ANKFN1: variants seen among roughly 807,000 people sequenced by gnomAD.
ANKFN1 encodes ankyrin repeat and fibronectin type III domain containing 1, also known as ankyrin repeat and fibronectin type-III domain-containing protein 1.
In ANKFN1, 74 loss-of-function variants were observed where a neutral mutation model predicts 108.7. The ratio of observed to expected loss-of-function variants is 0.68; its 90% CI spans 0.56 to 0.83. The LOEUF (loss-of-function observed/expected upper bound fraction) is 0.83, where lower values mean the gene tolerates loss of function less well. ANKFN1 is among the 40% of genes least tolerant of loss of function. The probability of loss-of-function intolerance (pLI) is 0.00; values close to 1 mark genes in which losing one functional copy is unlikely to be tolerated. For missense variants in ANKFN1, 1,505 were observed against 1,382.3 expected (o/e 1.09, Z -1.41); for synonymous variants, 547 against 516.2 (o/e 1.06, Z -0.81).
chr17:56,129,903 C>T (rs912836052), intron 4 of ANKFN1, among the ~76,000 whole-genome samples: 8 of 152,174 alleles, frequency 5.3e-5, no homozygotes, highest in African/African-American at 1.9e-4. Flanking sequence ...AAAACAGAGC[C>T]TCCCTGTTTC....
At chr17:56,482,603 T>G (rs1470971436) in intron 18 of ANKFN1, 79 bp downstream of exon 18, 3 of 1,503,262 alleles carry the variant, frequency 2.0e-6, no homozygotes, top group African/African-American at 1.4e-5. Context: ...TGTTCCCCCT[T>G]GTCCCAGTGG....
At chr17:56,154,255 G>T (rs955821761) in intron 1 of ANKFN1, among the ~76,000 whole-genome samples, 9 of 152,118 alleles carry the variant, frequency 5.9e-5, no homozygotes, top group Middle Eastern at 3.2e-3. Flanking sequence ...AATTCAGAAG[G>T]TTATTATTGA....
At chr17:56,051,864 G>C (rs1276617083) in intron 4 of ANKFN1, among the ~76,000 whole-genome samples, 1 of 150,868 alleles carries the variant, frequency 6.6e-6, no homozygotes, top group African/African-American at 2.4e-5. Context: ...ACTTACAAGG[G>C]ATGTGAAGGA....
intron 4 of ANKFN1, among the ~76,000 whole-genome samples, chr17:56,124,807 C>A (rs1026673080): frequency 6.6e-6 from 1 of 152,172 alleles, no homozygotes; most frequent in Non-Finnish European, 1.5e-5. Flanking sequence ...ACCAATCACA[C>A]CCTCAAGGGG....
intron 4 of ANKFN1, among the ~76,000 whole-genome samples, chr17:56,076,464 C>T (rs993263085): frequency 6.6e-6 from 1 of 152,172 alleles, no homozygotes; most frequent in African/African-American, 2.4e-5. Context: ...GTATAATTGT[C>T]ATTATTGTTA....
At chr17:56,340,979 T>C (rs1308599608) in intron 4 of ANKFN1, among the ~76,000 whole-genome samples, 3 of 152,114 alleles carry the variant, frequency 2.0e-5, no homozygotes, top group African/African-American at 7.2e-5. Context: ...TCTGATTTAT[T>C]TGAGCAGTGG....
chr17:56,399,765 A>G (rs2047694089), intron 8 of ANKFN1, among the ~76,000 whole-genome samples: 1 of 151,426 alleles, frequency 6.6e-6, no homozygotes, highest in Non-Finnish European at 1.5e-5. Flanking sequence ...CACTTAGAAT[A>G]ATAGTCTCCA....
chr17:56,222,914 T>C (rs1915990128), intron 2 of ANKFN1, among the ~76,000 whole-genome samples: 1 of 152,192 alleles, frequency 6.6e-6, no homozygotes, highest in African/African-American at 2.4e-5. Flanking sequence ...TCAAAATGCT[T>C]GGTCATTACA....
At position 56,325,262 on chromosome 17, in the gene ANKFN1, C is replaced by CTGTG. The variant is rs57226368; in HGVS notation, c.54-932_54-929dup. On this transcript the variant is annotated intron_variant, in intron 3 of 20. Coordinates refer to ENST00000682825, the MANE Select transcript of ANKFN1 (RefSeq NM_001370326.1). ...ATTCTTAATGCTGTTGCTAGTGTCG[C>CTGTG]TGTGTGTGTGTGTGTGTGTGTGTGT... Among the ~76,000 whole-genome samples, 921 of 149,618 alleles carry CTGTG rather than the reference C, an allele frequency of 6.2e-3. 2 individuals carry two copies. Among genetic ancestry groups the CTGTG allele is most frequent in the African/African-American group, 0.012 (486 of 40,844 alleles).
chr17:56,397,455 T>C (rs1598525395), intron 8 of ANKFN1, among the ~76,000 whole-genome samples: 1 of 152,206 alleles, frequency 6.6e-6, no homozygotes, highest in South Asian at 2.1e-4. Flanking sequence ...TTCTACAAAG[T>C]GCTTTAAATT....
intron 3 of ANKFN1, among the ~76,000 whole-genome samples, chr17:56,307,118 A>G (rs1299927411): frequency 1.3e-5 from 2 of 152,240 alleles, no homozygotes; most frequent in African/African-American, 4.8e-5. Flanking sequence ...TAAAACCATA[A>G]AAACCCTAGA....
At chr17:56,169,421 C>G (rs562789064) in intron 1 of ANKFN1, among the ~76,000 whole-genome samples, 1 of 152,088 alleles carries the variant, frequency 6.6e-6, no homozygotes, top group Non-Finnish European at 1.5e-5. Context: ...ACAGGAACAC[C>G]GCCACATCCA....
intron 1 of ANKFN1, among the ~76,000 whole-genome samples, chr17:56,159,948 GGGGCAGGGCAGGA>G (rs1909490609): frequency 6.6e-6 from 1 of 151,912 alleles, no homozygotes; most frequent in Admixed American, 6.6e-5. Flanking sequence ...ACCAGGGGTG[GGGGCAGGGCAGGA>G]GGGCAGGGCA....
At chr17:56,419,705 C>T (rs753040246) in intron 8 of ANKFN1, among the ~76,000 whole-genome samples, 26 of 151,124 alleles carry the variant, frequency 1.7e-4, no homozygotes, top group Non-Finnish European at 2.7e-4. Context: ...AGCCTAGCTA[C>T]TCAAGAGGCC....
chr17:56,478,598 G>C (rs753042481), intron 16 of ANKFN1, among the ~76,000 whole-genome samples: 2 of 151,946 alleles, frequency 1.3e-5, no homozygotes, highest in Admixed American at 6.6e-5. Flanking sequence ...CCCAATCTTG[G>C]TAATCTGGCT....
chr17:56,057,874 C>G (rs1598084708), intron 4 of ANKFN1, among the ~76,000 whole-genome samples: 1 of 152,130 alleles, frequency 6.6e-6, no homozygotes, highest in Non-Finnish European at 1.5e-5. Context: ...CATTAATTTC[C>G]TTCTAGATCT....
At chr17:56,156,492 G>A (rs976784541) in intron 1 of ANKFN1, 1 of 152,218 alleles carries the variant, frequency 6.6e-6, no homozygotes, top group Non-Finnish European at 1.5e-5. Flanking sequence ...TGCTTAAAAT[G>A]ATAGTGTTAT....
At chr17:56,073,415 G>A (rs892704728) in intron 4 of ANKFN1, among the ~76,000 whole-genome samples, 8 of 152,066 alleles carry the variant, frequency 5.3e-5, no homozygotes, top group Non-Finnish European at 2.9e-5. Flanking sequence ...GTTACTTTTC[G>A]TGCTTTGTTC....
chr17:56,445,321 G>T (rs1040192162), intron 10 of ANKFN1, among the ~76,000 whole-genome samples: 1 of 152,190 alleles, frequency 6.6e-6, no homozygotes, highest in Non-Finnish European at 1.5e-5. Context: ...AAGATCAGAG[G>T]TTCAGTTTCC....
Sources: allele counts gnomAD v4.1 joint callset (sites outside exome capture counted in the v4.1 genomes callset), GRCh38; gene constraint gnomAD v4.1.1; transcripts MANE v1.5; gene names NCBI Gene and HGNC (gene_info 2026-07-23, HGNC 2026-07-21).